The following ZNF600 variants were observed in gnomAD, a reference collection of about 807,000 sequenced individuals.
ZNF600 encodes the protein zinc finger protein KR-ZNF1.
Under a neutral mutation model 7.3 loss-of-function variants are expected in ZNF600, and 4 were observed. The observed-to-expected ratio is 0.55, with a 90% CI of 0.27 to 1.25. The LOEUF (loss-of-function observed/expected upper bound fraction) is 1.25. ZNF600 is among the 50% of genes most tolerant of loss of function. ZNF600 has a pLI of 0.12. For missense variants in ZNF600, 911 were observed against 922.1 expected, an observed-to-expected ratio of 0.99 and a Z score of 0.16; for synonymous variants, 290 against 308.9, an observed-to-expected ratio of 0.94 and a Z score of 0.64.
chr19:52,823,788 C>T, the ZNF600 span, among the ~76,000 whole-genome samples: 3 of 152,010 alleles, frequency 2.0e-5, no homozygotes, highest in African/African-American at 4.8e-5. Context: ...TCAGGCCAGG[C>T]GCGGTGGTTC....
exon 4 of ZNF600, chr19:52,766,823 G>A (rs766768610): frequency 6.2e-7 from 1 of 1,614,072 alleles, no homozygotes; most frequent in Non-Finnish European, 8.5e-7. Flanking sequence ...ATTTCCGACT[G>A]AAAACTTTGT....
chr19:52,831,706 G>T, the ZNF600 span, among the ~76,000 whole-genome samples: 5 of 152,026 alleles, frequency 3.3e-5, no homozygotes, highest in Middle Eastern at 3.4e-3. Context: ...GGGTTTCACC[G>T]TGTTAGCCAG....
At chr19:52,780,557 C>T (rs1232966813) in intron 1 of ZNF600, 24 bp downstream of exon 3, 2 of 151,312 alleles carry the variant, frequency 1.3e-5, no homozygotes, top group Non-Finnish European at 2.9e-5. Flanking sequence ...AGGAACATGT[C>T]TTCAAACATG....
the ZNF600 span, among the ~76,000 whole-genome samples, chr19:52,832,734 T>A: frequency 6.6e-6 from 1 of 152,138 alleles, no homozygotes; most frequent in Middle Eastern, 3.2e-3. Context: ...GCCATTGTAC[T>A]CCAGAACTAA....
chr19:52,801,224 A>T, the ZNF600 span: 8 of 1,614,020 alleles, frequency 5.0e-6, no homozygotes, highest in Admixed American at 1.7e-5. Flanking sequence ...TCATGTGTAC[A>T]TTCCGTTTTT....
At position 52,784,729 on chromosome 19, in the gene ZNF600, C is replaced by T. The variant is rs560759044; in HGVS notation, c.-20+1866G>A. ...CCCACTTATCTGTACCCAAAGTCCC[C>T]CACCCTTTTTTTCTTTTGAGACAGG... On this transcript the variant is annotated intron_variant, in intron 1 of 3. Coordinates refer to ENST00000648973, the Ensembl canonical transcript of ZNF600. 3.9e-5 allele frequency among the ~76,000 whole-genome samples: 6 copies of T among 152,260 alleles called. No individual in the cohort carries two copies. In the South Asian group the frequency reaches 1.2e-3, roughly 32 times the overall value.
chr19:52,803,438 C>T, the ZNF600 span, among the ~76,000 whole-genome samples: 3 of 152,062 alleles, frequency 2.0e-5, no homozygotes, highest in Non-Finnish European at 4.4e-5. Context: ...ATACCGAAAA[C>T]TCACATATAA....
At chr19:52,799,200 A>G in the ZNF600 span, 351,234 of 396,822 alleles carry the variant, frequency 0.89, 155,865 homozygotes, top group Middle Eastern at 0.93. Context: ...TTTCTCTCCA[A>G]TACGAATTGC....
chr19:52,815,595 C>T, the ZNF600 span, among the ~76,000 whole-genome samples: 25 of 146,516 alleles, frequency 1.7e-4, 4 homozygotes, highest in East Asian at 4.0e-4. Flanking sequence ...GAGGCCGAGG[C>T]GGGCGAATCA....
chr19:52,810,819 T>G, the ZNF600 span: 1 of 288,300 alleles, frequency 3.5e-6, no homozygotes, highest in Middle Eastern at 1.1e-3. Context: ...AAAAAATATA[T>G]ATATATTTTT....
chr19:52,790,273 C>T (rs932848020), upstream of ZNF600, among the ~76,000 whole-genome samples: 14 of 152,114 alleles, frequency 9.2e-5, no homozygotes, highest in African/African-American at 2.9e-4. Flanking sequence ...CCAAGAAGGG[C>T]AGATCATGAG....
At chr19:52,764,485 T>A (rs911589117), downstream of ZNF600, 4 of 151,534 alleles carry the variant, frequency 2.6e-5, no homozygotes, top group African/African-American at 9.7e-5. Flanking sequence ...GTGTTGTGAT[T>A]GCAGGGATGA....
At chr19:52,794,050 G>GC in the ZNF600 span, among the ~76,000 whole-genome samples, 7 of 152,154 alleles carry the variant, frequency 4.6e-5, no homozygotes, top group African/African-American at 1.7e-4. Context: ...AGGTGGAGAT[G>GC]CCTGTTTGAT....
chr19:52,783,676 A>G (rs567797481), intron 1 of ZNF600, among the ~76,000 whole-genome samples: 22 of 151,980 alleles, frequency 1.4e-4, no homozygotes, highest in Admixed American at 1.4e-3. Context: ...TCGGCATTCT[A>G]TACATAGCTC....
the ZNF600 span, among the ~76,000 whole-genome samples, chr19:52,826,143 G>A: frequency 2.2e-4 from 34 of 152,250 alleles, no homozygotes; most frequent in East Asian, 5.6e-3. Flanking sequence ...TTCTTTGTCC[G>A]GGAGTGGTTG....
chr19:52,767,220 T>A lies in ZNF600; in HGVS notation c.743A>T (p.Lys248Ile), dbSNP rs756432940. The change falls in exon 4 of 4, where the codon AAA becomes ATA. Residue 248 changes from lysine to isoleucine, a missense_variant. Coordinates refer to ENST00000648973, the Ensembl canonical transcript of ZNF600. ...GTCTCCTAAATGGGGTATCTGGTGT[T>A]TCCTTAAGAGTGAGCTACAATTAAA... 7 of 1,614,074 alleles carry A rather than the reference T, an allele frequency of 4.3e-6. No individual in the cohort carries two copies. The South Asian group carries it at 7.7e-5, about 18-fold the overall frequency.
chr19:52,802,652 G>A, the ZNF600 span, among the ~76,000 whole-genome samples: 3 of 152,000 alleles, frequency 2.0e-5, no homozygotes, highest in African/African-American at 7.3e-5. Flanking sequence ...ACTCCACCCT[G>A]GATGACAGAG....
At chr19:52,822,877 C>T in the ZNF600 span, among the ~76,000 whole-genome samples, 1,028 of 152,212 alleles carry the variant, frequency 6.8e-3, 13 homozygotes, top group African/African-American at 0.022. Context: ...ACATAATTAA[C>T]TATAGAGTTT....
upstream of ZNF600, among the ~76,000 whole-genome samples, chr19:52,791,799 C>T (rs530556403): frequency 2.0e-5 from 3 of 152,346 alleles, no homozygotes; most frequent in African/African-American, 4.8e-5. Flanking sequence ...GAGCCTCCCC[C>T]ACGAGGCAGC....
Sources: allele counts gnomAD v4.1 joint callset (sites outside exome capture counted in the v4.1 genomes callset), GRCh38; gene constraint gnomAD v4.1.1; transcripts MANE v1.5; gene names NCBI Gene and HGNC (gene_info 2026-07-23, HGNC 2026-07-21).